The following EGLN1 variants were observed in gnomAD, a reference collection of about 807,000 sequenced individuals.
EGLN1 encodes the protein egl nine homolog 1.
Under a neutral mutation model 38.3 loss-of-function variants are expected in EGLN1, and 17 were observed. The observed-to-expected ratio is 0.44, with a 90% confidence interval of 0.30 to 0.67. The LOEUF is 0.67. Ranked by LOEUF, EGLN1 falls within the 30% of genes least tolerant of loss-of-function variation. The pLI is 0.08. For missense variants in EGLN1, 477 were observed against 603.3 expected (o/e 0.79, Z 2.19); for synonymous variants, 283 against 257.5 (o/e 1.10, Z -0.95).
At position 231,370,612 on chromosome 1, in the gene EGLN1, G is replaced by A. The variant is rs1687795855; in HGVS notation, c.1098C>T (p.Phe366=). 1.9e-6 allele frequency: 3 copies of A among 1,614,094 alleles called. No homozygotes were observed. Among genetic ancestry groups the A allele is most frequent in the Non-Finnish European group, 2.5e-6 (3 of 1,180,024 alleles). ...CATGAGGGTTGCGACGGTCAGACCAGAAAAACAGCAGTCTATCAAATTTGG... is the reference window on the plus strand; with the variant it reads ...CATGAGGGTTGCGACGGTCAGACCAAAAAAACAGCAGTCTATCAAATTTGG... ...IEPKFDRLLF[F]WSDRRNPHEV... Residue 366 remains phenylalanine (F), a synonymous_variant, in exon 3 of 5, where the codon TTC becomes TTT. Coordinates refer to ENST00000366641, the MANE Select transcript of EGLN1 (RefSeq NM_022051.3).
At chr1:231,380,315 C>CAATAAAAAA (rs1688052825) in intron 1 of EGLN1, among the ~76,000 whole-genome samples, 1 of 101,838 alleles carries the variant, frequency 9.8e-6, no homozygotes, top group African/African-American at 3.9e-5. Flanking sequence ...GACTCCGTCT[C>CAATAAAAAA]AAAAAAAAAA....
chr1:231,393,181 G>C (rs1037488819), intron 1 of EGLN1, among the ~76,000 whole-genome samples: 4 of 152,158 alleles, frequency 2.6e-5, no homozygotes, highest in Admixed American at 1.3e-4. Context: ...GAGAGATCAA[G>C]TTTTGATAAT....
rs766985056 is a variant in EGLN1 at position 231,421,412 on chromosome 1, C to T, written c.477G>A (p.Lys159=). The T allele has an allele frequency of 2.6e-4, 407 of 1,593,440 alleles. 6 individuals are homozygous for T. The South Asian group carries it at 3.9e-3, about 15-fold the overall frequency. ...TGTTGCTTGGGGGGTACAGGTTCGCCTTCTCCTGGAACAGCGATGAGCGGG... is the reference window on the plus strand; with the variant it reads ...TGTTGCTTGGGGGGTACAGGTTCGCTTTCTCCTGGAACAGCGATGAGCGGG... ...PPARSSLFQE[K]ANLYPPSNTP... is the part of the protein sequence containing the mutation. Residue 159 remains lysine, a synonymous_variant, in exon 1 of 5, where the codon AAG becomes AAA. Transcript: ENST00000366641. The surrounding 1 kb of genome is among the most constrained non-coding windows in gnomAD (Gnocchi z 5.5).
At chr1:231,380,156 G>A (rs1381658834) in intron 1 of EGLN1, among the ~76,000 whole-genome samples, 2 of 152,106 alleles carry the variant, frequency 1.3e-5, no homozygotes, top group East Asian at 3.9e-4. Flanking sequence ...AGATTGCCAA[G>A]GGAGTACAGA....
intron 1 of EGLN1, among the ~76,000 whole-genome samples, chr1:231,403,490 G>C (rs1326176840): frequency 2.0e-5 from 3 of 151,948 alleles, no homozygotes; most frequent in Non-Finnish European, 4.4e-5. Context: ...ATTTTTACAG[G>C]CTGGGTGCAG....
intron 3 of EGLN1, among the ~76,000 whole-genome samples, chr1:231,368,488 T>TCTGA (rs767573616): frequency 2.0e-5 from 2 of 99,288 alleles, no homozygotes; most frequent in Admixed American, 9.9e-5. Flanking sequence ...TTTCTGAAAA[T>TCTGA]CTGACTTAGA....
At chr1:231,398,733 G>C (rs1448024302) in intron 1 of EGLN1, among the ~76,000 whole-genome samples, 3 of 129,380 alleles carry the variant, frequency 2.3e-5, no homozygotes, top group Non-Finnish European at 5.3e-5. Context: ...GTAGGGAGAT[G>C]ACATTCACGG....
chr1:231,408,547 G>A (rs904795403), intron 1 of EGLN1, among the ~76,000 whole-genome samples: 4 of 151,854 alleles, frequency 2.6e-5, no homozygotes, highest in African/African-American at 9.7e-5. Flanking sequence ...GAATTAAGGG[G>A]AAAAAAAGTG....
At chr1:231,387,384 G>T (rs1360628463) in intron 1 of EGLN1, among the ~76,000 whole-genome samples, 1 of 141,734 alleles carries the variant, frequency 7.1e-6, no homozygotes, top group Non-Finnish European at 1.5e-5. Flanking sequence ...TTTTGTGACG[G>T]CGTCTCGCTC....
chr1:231,375,172 C>T (rs945788209), intron 1 of EGLN1, among the ~76,000 whole-genome samples: 10 of 152,170 alleles, frequency 6.6e-5, no homozygotes, highest in Non-Finnish European at 4.4e-5. Flanking sequence ...TCTCCTGCCT[C>T]GGCCTCCCGA....
At chr1:231,377,793 G>A (rs553637535) in intron 1 of EGLN1, among the ~76,000 whole-genome samples, 5 of 152,322 alleles carry the variant, frequency 3.3e-5, no homozygotes, top group African/African-American at 1.2e-4. Flanking sequence ...GATATGAGAA[G>A]AGGCCAAACA....
intron 1 of EGLN1, chr1:231,420,270 C>A (rs941187620): frequency 2.6e-5 from 4 of 152,212 alleles, no homozygotes; most frequent in African/African-American, 7.2e-5. Flanking sequence ...CAGTTTTCAA[C>A]AGAAGGATTA....
At chr1:231,384,420 G>A (rs992766993) in intron 1 of EGLN1, among the ~76,000 whole-genome samples, 1 of 148,972 alleles carries the variant, frequency 6.7e-6, no homozygotes, top group Non-Finnish European at 1.5e-5. Flanking sequence ...AAAAAAACAC[G>A]CAATAGGGAA....
Position 231,421,673 on chromosome 1 carries a change from G to T in EGLN1, c.216C>A (p.His72Gln), listed in dbSNP as rs1163549348. The change falls in exon 1 of 5, where the codon CAC (histidine) becomes CAA (glutamine). Residue 72 changes from histidine (H) to glutamine (Q), a missense_variant. By Grantham distance (24) the His-to-Gln change is conservative. Coordinates refer to ENST00000366641, the MANE Select transcript of EGLN1 (RefSeq NM_022051.3). This position sits in a 1 kb window ranked among gnomAD's most constrained non-coding sequence, Gnocchi z 5.5. Reference protein sequence around the residue: ...EGALGHGVGPHQHSGPAPPAA... With the variant: ...EGALGHGVGPQQHSGPAPPAA... Reference sequence around the variant, plus strand: ...CCGGCGGCGCGGGGCCGGAATGCTGGTGTGGGCCCACTCCGTGGCCGAGGG... The same window carrying T: ...CCGGCGGCGCGGGGCCGGAATGCTGTTGTGGGCCCACTCCGTGGCCGAGGG... 4 of 1,491,364 alleles carry T rather than the reference G, an allele frequency of 2.7e-6. No individual in the cohort carries two copies. The highest frequency in any genetic ancestry group is 3.6e-6 in the Non-Finnish European group (4 of 1,126,498). The allele number at this position is 1,491,364 out of a possible 1,614,324, so 92.4% of individuals were successfully genotyped here.
At chr1:231,371,358 AAATT>A (rs1378343892) in intron 2 of EGLN1, among the ~76,000 whole-genome samples, 1 of 152,214 alleles carries the variant, frequency 6.6e-6, no homozygotes, top group Admixed American at 6.5e-5. Context: ...AATTTTGACA[AAATT>A]ATTATTAGAA....
rs1046511352 is a variant in EGLN1, at chr1:231,413,098, CAG to C, written c.891+7898_891+7899del. ...CTGTTTTCTGTTTCTTTTTTTGAGA[CAG>C]AGTCTCACGCTGCTGCCCAGGTTGG... On this transcript the variant is annotated intron_variant, in intron 1 of 4. Transcript: ENST00000366641. 3.3e-5 allele frequency among the ~76,000 whole-genome samples: 5 copies of C among 152,022 alleles called. No homozygotes were observed. In the East Asian group the frequency reaches 5.8e-4, roughly 18 times the overall value.
intron 1 of EGLN1, among the ~76,000 whole-genome samples, chr1:231,388,644 TG>T (rs1572031457): frequency 8.9e-6 from 1 of 111,996 alleles, no homozygotes. Flanking sequence ...CCTAATTTTT[TG>T]GTTTTTTGTT....
Position 231,369,717 on chromosome 1 carries a change from T to C in EGLN1, c.1148+845A>G, listed in dbSNP as rs568205976. On this transcript the variant is annotated intron_variant, in intron 3 of 4. Coordinates refer to ENST00000366641, the MANE Select transcript of EGLN1 (RefSeq NM_022051.3). ...TAAAGCCAACTCTCCACCCAGCGCA[T>C]CTAAGCCTGTGCCTCTTCTTGCCAC... The C allele has an allele frequency of 1.6e-5, 7 of 451,200 alleles. No individual in the cohort carries two copies. The East Asian group carries it at 9.3e-4, about 60-fold the overall frequency. The allele number at this position is 451,200 out of a possible 1,614,324, so 27.9% of individuals were successfully genotyped here. A position where few individuals can be genotyped will look rare whatever the true frequency, so the allele number is the denominator to read the frequency against.
chr1:231,417,277 G>A (rs1689108487), intron 1 of EGLN1, among the ~76,000 whole-genome samples: 1 of 152,130 alleles, frequency 6.6e-6, no homozygotes, highest in Non-Finnish European at 1.5e-5. Flanking sequence ...CTGCTTATTA[G>A]TCCCAACCTA....
Sources: allele counts gnomAD v4.1 joint callset (sites outside exome capture counted in the v4.1 genomes callset), GRCh38; gene constraint gnomAD v4.1.1; non-coding constraint Gnocchi (gnomAD v3.1); transcripts MANE v1.5; gene names NCBI Gene and HGNC (gene_info 2026-07-23, HGNC 2026-07-21).